Variants in HTR1A observed in about 807,000 individuals in gnomAD.
HTR1A encodes 5-HT1a receptor.
In HTR1A, 17 loss-of-function variants were observed where a neutral mutation model predicts 24.6. That is an observed-to-expected ratio of 0.69 (90% confidence interval 0.47 to 1.04). The LOEUF (loss-of-function observed/expected upper bound fraction) is 1.04. Among genes scored for constraint, HTR1A ranks in the 50% least tolerant of loss-of-function variants. The probability of loss-of-function intolerance (pLI) is 0.00; values close to 1 mark genes in which losing one functional copy is unlikely to be tolerated. For synonymous variants in HTR1A, 262 were observed against 244.6 expected (o/e 1.07, Z -0.67); for missense variants, 515 against 565.1 (o/e 0.91, Z 0.90).
Position 63,960,725 on chromosome 5 carries a change from T to G in HTR1A, c.995A>C (p.Lys332Thr), listed in dbSNP as rs769413533. ...CTCTCGGGCCAGGGCCATCTTGCGCTTCGCCTCGGCGTTGCGCTCATTTTT... is the reference window on the plus strand; with the variant it reads ...CTCTCGGGCCAGGGCCATCTTGCGCGTCGCCTCGGCGTTGCGCTCATTTTT... Reference protein sequence around the residue: ...ERKNERNAEAKRKMALARERK... With the variant: ...ERKNERNAEATRKMALARERK... The change falls in exon 1 of 1, where the codon AAG becomes ACG. Residue 332 changes from lysine (K) to threonine (T), a missense_variant. By Grantham distance (78) the Lys-to-Thr change is moderately conservative. This residue lies in a region of HTR1A where 381 missense variants were observed against 384.5 expected (regional missense o/e 0.99). Transcript: ENST00000323865. 1 of 1,614,200 alleles carries G rather than the reference T, an allele frequency of 6.2e-7. No individual in the cohort carries two copies. The highest frequency in any genetic ancestry group is 2.2e-5 in the East Asian group (1 of 44,860).
rs1286551162 is a variant in HTR1A at position 63,962,232 on chromosome 5, C to A, written c.-513G>T. 2 of 193,244 alleles carry A rather than the reference C, an allele frequency of 1.0e-5. No homozygotes were observed. Among genetic ancestry groups the A allele is most frequent in the African/African-American group, 4.7e-5 (2 of 42,126 alleles). The allele number at this position is 193,244 out of a possible 1,614,324, so 12.0% of individuals were successfully genotyped here. A position where few individuals can be genotyped will look rare whatever the true frequency, so the allele number is the denominator to read the frequency against. ...CTTCTGCCTCTTTCGTCCCCCTTCT[C>A]CCCACCTGCCTTCCCTTTCAGTCTC... On this transcript the variant is annotated 5_prime_UTR_variant, in exon 1 of 1. Coordinates refer to ENST00000323865, the MANE Select transcript of HTR1A (RefSeq NM_000524.4).
chr5:63,962,086 A>G lies in HTR1A; in HGVS notation c.-367T>C, dbSNP rs1285398913. 5 of 384,172 alleles carry G rather than the reference A, an allele frequency of 1.3e-5. No homozygotes were observed. Among genetic ancestry groups the G allele is most frequent in the Non-Finnish European group, 2.5e-5 (5 of 202,048 alleles). 23.8% of individuals were successfully genotyped at this position (384,172 alleles called of 1,614,324 possible). A position where few individuals can be genotyped will look rare whatever the true frequency, so the allele number is the denominator to read the frequency against. On this transcript the variant is annotated 5_prime_UTR_variant, in exon 1 of 1. Coordinates refer to ENST00000323865, the MANE Select transcript of HTR1A (RefSeq NM_000524.4). ...AGCTGGAGTCTCCCCACTAGCAAACAGTCTCCAATCCCAGAAATATCTAGA... is the reference window on the plus strand; with the variant it reads ...AGCTGGAGTCTCCCCACTAGCAAACGGTCTCCAATCCCAGAAATATCTAGA...
rs1308430206 is a variant in HTR1A at position 63,958,365 on chromosome 5, G to C, written c.*2086C>G. Among the ~76,000 whole-genome samples the C allele has an allele frequency of 6.6e-6, 1 of 152,150 alleles. No individual in the cohort carries two copies. The highest frequency in any genetic ancestry group is 1.5e-5 in the Non-Finnish European group (1 of 68,022). On this transcript the variant is annotated 3_prime_UTR_variant, in exon 1 of 1. Coordinates refer to ENST00000323865, the MANE Select transcript of HTR1A (RefSeq NM_000524.4). ...GGATATGATGTCTACTTCCAGTTTA[G>C]AATACAGAAGCAGACACCAAAGGAA...
Position 63,961,555 on chromosome 5 carries a change from C to T in HTR1A, c.165G>A (p.Ala55=), listed in dbSNP as rs143606154. The change falls in exon 1 of 1, where the codon GCG becomes GCA. Residue 55 remains alanine (A), a synonymous_variant. Coordinates refer to ENST00000323865, the MANE Select transcript of HTR1A (RefSeq NM_000524.4). ...CCAAGGCGATGGCAGCCACCACGCA[C>T]GCATTGCCCAGCACCGCGCAGAAGA... ...TLIFCAVLGN[A]CVVAAIALER... is the part of the protein sequence containing the mutation. 2.5e-6 allele frequency: 4 copies of T among 1,614,104 alleles called. No individual in the cohort carries two copies. In the African/African-American group the frequency reaches 5.3e-5, roughly 22 times the overall value.
chr5:63,960,601 G>C lies in HTR1A; in HGVS notation c.1119C>G (p.Ser373Arg), dbSNP rs1291866075. ...CCAACAGGGTGGGCATGTGGCAGCT[G>C]CTCTCGCAGAAGGGCAGAACAAGAG... Reference protein sequence around the residue: ...IVALVLPFCESSCHMPTLLGA... With the variant: ...IVALVLPFCERSCHMPTLLGA... Residue 373 changes from serine to arginine, a missense_variant, in exon 1 of 1, where the codon AGC becomes AGG. Ser to Arg is a moderately radical substitution (Grantham distance 110). This residue lies in a region of HTR1A where 381 missense variants were observed against 384.5 expected (regional missense o/e 0.99). Coordinates refer to ENST00000323865, the MANE Select transcript of HTR1A (RefSeq NM_000524.4). 6.2e-7 allele frequency: 1 copy of C among 1,614,124 alleles called. No homozygotes were observed. The highest frequency in any genetic ancestry group is 8.5e-7 in the Non-Finnish European group (1 of 1,180,052).
chr5:63,960,724 C>A lies in HTR1A; in HGVS notation c.996G>T (p.Lys332Asn). ...ERKNERNAEA[K>N]RKMALARERK... Reference sequence around the variant, plus strand: ...TCTCTCGGGCCAGGGCCATCTTGCGCTTCGCCTCGGCGTTGCGCTCATTTT... The same window carrying A: ...TCTCTCGGGCCAGGGCCATCTTGCGATTCGCCTCGGCGTTGCGCTCATTTT... The change falls in exon 1 of 1, where the codon AAG (lysine) becomes AAT (asparagine). Residue 332 changes from lysine (K) to asparagine (N), a missense_variant. By Grantham distance (94) the Lys-to-Asn change is moderately conservative. Around this residue, in one of 3 missense-constraint regions of HTR1A, gnomAD observed 381 missense variants for 384.5 expected, o/e 0.99. Transcript: ENST00000323865. 6.2e-7 allele frequency: 1 copy of A among 1,614,252 alleles called. No homozygotes were observed. The highest frequency in any genetic ancestry group is 8.5e-7 in the Non-Finnish European group (1 of 1,180,044).
In HTR1A at chr5:63,960,269, G is replaced by T; in HGVS notation, c.*182C>A. 1 of 711,082 alleles carries T rather than the reference G, an allele frequency of 1.4e-6. No individual in the cohort carries two copies. The highest frequency in any genetic ancestry group is 2.5e-6 in the Non-Finnish European group (1 of 402,978). 44.0% of individuals were successfully genotyped at this position (711,082 alleles called of 1,614,324 possible). On this transcript the variant is annotated 3_prime_UTR_variant, in exon 1 of 1. Coordinates refer to ENST00000323865, the MANE Select transcript of HTR1A (RefSeq NM_000524.4). ...AACGCTCCTCCGCTGGGTCTCCTTT[G>T]CACAAAGGGCCCTGCCGTGGAGCAG...
chr5:63,960,844 C>CA lies in HTR1A; in HGVS notation c.875dup (p.Ile293AspfsTer34), dbSNP rs1357927163. 6.2e-7 allele frequency: 1 copy of CA among 1,614,176 alleles called. No homozygotes were observed. The highest frequency in any genetic ancestry group is 1.7e-5 in the Admixed American group (1 of 60,030). The stretch of plus-strand genomic sequence containing the variant: ...AGTTGCCCACTCGGTGCACCTCGAT[C>CA]ACCTCCAGGGCGGCGCCATCGTCAC... On this transcript the variant is annotated frameshift_variant, in exon 1 of 1. Coordinates refer to ENST00000323865, the MANE Select transcript of HTR1A (RefSeq NM_000524.4). LOFTEE classifies it high-confidence loss of function.
In HTR1A at chr5:63,960,408, G is replaced by T; in HGVS notation, c.*43C>A. On this transcript the variant is annotated 3_prime_UTR_variant, in exon 1 of 1. Coordinates refer to ENST00000323865, the MANE Select transcript of HTR1A (RefSeq NM_000524.4). ...AGGGTTGGGGGAAGCATAGTGAATGGGACGGATCCTGTAGCCTCGACTGGC... is the reference window on the plus strand; with the variant it reads ...AGGGTTGGGGGAAGCATAGTGAATGTGACGGATCCTGTAGCCTCGACTGGC... 1 of 1,586,918 alleles carries T rather than the reference G, an allele frequency of 6.3e-7. No homozygotes were observed. Among genetic ancestry groups the T allele is most frequent in the Non-Finnish European group, 8.7e-7 (1 of 1,155,414 alleles).
chr5:63,961,710 G>A lies in HTR1A; in HGVS notation c.10C>T (p.Leu4Phe). The part of the protein sequence containing the change: MDV[L>F]SPGQGNNTTS... ...GTGTTGTTGCCCTGACCAGGGCTGA[G>A]CACATCCATGCCTGCGCGCCCGGCG... Residue 4 changes from leucine (L) to phenylalanine (F), a missense_variant, in exon 1 of 1, where the codon CTC becomes TTC. Transcript: ENST00000323865. 6.2e-7 allele frequency: 1 copy of A among 1,613,810 alleles called. No homozygotes were observed. The highest frequency in any genetic ancestry group is 8.5e-7 in the Non-Finnish European group (1 of 1,180,048).
rs1579954935 is a variant in HTR1A at position 63,961,774 on chromosome 5, G to T, written c.-55C>A. 19 of 1,571,074 alleles carry T rather than the reference G, an allele frequency of 1.2e-5. No individual in the cohort carries two copies. Among genetic ancestry groups the T allele is most frequent in the Middle Eastern group, 1.8e-4 (1 of 5,678 alleles). On this transcript the variant is annotated 5_prime_UTR_variant, in exon 1 of 1. Coordinates refer to ENST00000323865, the MANE Select transcript of HTR1A (RefSeq NM_000524.4). ...GGAAGAAAAAGCAGCGCGAAGATTC[G>T]CCTCGCCCCTTCCCCTGGGGTCTTC...
chr5:63,961,886 G>A lies in HTR1A; in HGVS notation c.-167C>T, dbSNP rs564723244. On this transcript the variant is annotated 5_prime_UTR_variant, in exon 1 of 1. Coordinates refer to ENST00000323865, the MANE Select transcript of HTR1A (RefSeq NM_000524.4). ...CTGCTTCGGCGAAGGGTATCTCCGA[G>A]GAGCAGCTTTCAGGCGCTCCCTGGG... is the stretch of plus-strand genomic sequence containing the variant. 4.9e-5 allele frequency: 34 copies of A among 695,402 alleles called. No individual in the cohort carries two copies. The highest frequency in any genetic ancestry group is 2.7e-4 in the Admixed American group (12 of 45,244). 43.1% of individuals were successfully genotyped at this position (695,402 alleles called of 1,614,324 possible). A position where few individuals can be genotyped will look rare whatever the true frequency, so the allele number is the denominator to read the frequency against.
chr5:63,960,766 G>C lies in HTR1A; in HGVS notation c.954C>G (p.Pro318=). 4 of 1,614,134 alleles carry C rather than the reference G, an allele frequency of 2.5e-6. No individual in the cohort carries two copies. Among genetic ancestry groups the C allele is most frequent in the Non-Finnish European group, 2.5e-6 (3 of 1,179,986 alleles). Residue 318 remains proline (P), a synonymous_variant, in exon 1 of 1, where the codon CCC becomes CCG. Transcript: ENST00000323865. ...GCTCATTTTTCCTCTCGAAAGAGGC[G>C]GGGGCACAAGGGGTAGGACCAGCCT... ...PSEAGPTPCA[P]ASFERKNERN...
rs536132374 is a variant in HTR1A, at chr5:63,961,006, C to G, written c.714G>C (p.Ala238=). The change falls in exon 1 of 1, where the codon GCG becomes GCC. Residue 238 remains alanine (A), a synonymous_variant. Transcript: ENST00000323865. Reference sequence around the variant, plus strand: ...CGGGAGATGCTCCATGGCGGGTGTCCGCTCCGGTCTTCTCCACCTTTTTGA... The same window carrying G: ...CGGGAGATGCTCCATGGCGGGTGTCGGCTCCGGTCTTCTCCACCTTTTTGA... The part of the protein sequence containing the change: ...KTVKKVEKTG[A]DTRHGASPAP... The G allele has an allele frequency of 1.9e-6, 3 of 1,614,078 alleles. No individual in the cohort carries two copies. The highest frequency in any genetic ancestry group is 2.2e-5 in the East Asian group (1 of 44,862).
chr5:63,960,286 G>C lies in HTR1A; in HGVS notation c.*165C>G, dbSNP rs193042484. On this transcript the variant is annotated 3_prime_UTR_variant, in exon 1 of 1. Coordinates refer to ENST00000323865, the MANE Select transcript of HTR1A (RefSeq NM_000524.4). ...TCTCCTTTGCACAAAGGGCCCTGCC[G>C]TGGAGCAGGAAGTGGGGAGGGGACC... The C allele has an allele frequency of 1.3e-6, 1 of 774,812 alleles. No homozygotes were observed. Among genetic ancestry groups the C allele is most frequent in the Non-Finnish European group, 2.2e-6 (1 of 445,964 alleles). The allele number at this position is 774,812 out of a possible 1,614,324, so 48.0% of individuals were successfully genotyped here.
rs1421213027 is a variant in HTR1A, at chr5:63,958,184, C to T, written c.*2267G>A. Among the ~76,000 whole-genome samples, 1 of 152,152 alleles carries T rather than the reference C, an allele frequency of 6.6e-6. No individual in the cohort carries two copies. The highest frequency in any genetic ancestry group is 1.5e-5 in the Non-Finnish European group (1 of 68,022). ...AAACTTGGTTTCTGATATGGCTTTA[C>T]TTAGATTATGTGAGCAAAAATGAAA... On this transcript the variant is annotated 3_prime_UTR_variant, in exon 1 of 1. Coordinates refer to ENST00000323865, the MANE Select transcript of HTR1A (RefSeq NM_000524.4).
At position 63,960,421 on chromosome 5, in the gene HTR1A, A is replaced by T. The variant is rs1162887721; in HGVS notation, c.*30T>A. On this transcript the variant is annotated 3_prime_UTR_variant, in exon 1 of 1. Transcript: ENST00000323865. ...GCATAGTGAATGGGACGGATCCTGT[A>T]GCCTCGACTGGCCGGCTACTCCTCC... 1.2e-6 allele frequency: 2 copies of T among 1,609,104 alleles called. No homozygotes were observed. The highest frequency in any genetic ancestry group is 1.7e-6 in the Non-Finnish European group (2 of 1,175,504).
In HTR1A at chr5:63,961,921, T is replaced by C; in HGVS notation, c.-202A>G. 1 of 604,552 alleles carries C rather than the reference T, an allele frequency of 1.7e-6. No individual in the cohort carries two copies. The highest frequency in any genetic ancestry group is 2.9e-6 in the Non-Finnish European group (1 of 339,342). The allele number at this position is 604,552 out of a possible 1,614,324, so 37.4% of individuals were successfully genotyped here. On this transcript the variant is annotated 5_prime_UTR_variant, in exon 1 of 1. Coordinates refer to ENST00000323865, the MANE Select transcript of HTR1A (RefSeq NM_000524.4). ...TCAGGCGCTCCCTGGGCTCTCGCAG[T>C]CCAGCGCGTTCAGAAGCTCCAGCTG...
rs1746368545 is a variant in HTR1A at position 63,959,098 on chromosome 5, A to G, written c.*1353T>C. 6.6e-6 allele frequency among the ~76,000 whole-genome samples: 1 copy of G among 152,212 alleles called. No individual in the cohort carries two copies. The highest frequency in any genetic ancestry group is 1.5e-5 in the Non-Finnish European group (1 of 68,036). ...TGCAGCGAGTGTTGGGACACGCTAA[A>G]CAGAATTATTCCCCGATCCAAAAAG... is the stretch of plus-strand genomic sequence containing the variant. On this transcript the variant is annotated 3_prime_UTR_variant, in exon 1 of 1. Transcript: ENST00000323865.
Sources: gnomAD v4.1 joint callset for allele counts (sites outside exome capture counted in the v4.1 genomes callset) on GRCh38, gnomAD v4.1.1 for gene constraint, gnomAD v4.1.1 regional missense constraint, MANE v1.5 for transcripts, NCBI Gene and HGNC (gene_info 2026-07-23, HGNC 2026-07-21) for gene names.